The following UBE2R2 variants were observed in gnomAD, a reference collection of about 807,000 sequenced individuals.
UBE2R2 encodes the protein ubiquitin conjugating enzyme E2 R2.
A neutral mutation model predicts 27.8 loss-of-function variants in UBE2R2; 1 was observed. The ratio of observed to expected loss-of-function variants is 0.04; its 90% CI spans 0.01 to 0.17. The LOEUF is 0.17. Ranked by LOEUF, UBE2R2 falls within the 10% of genes least tolerant of loss-of-function variation. The pLI, the probability that UBE2R2 is intolerant of heterozygous loss-of-function variation, is 1.00. For missense variants in UBE2R2, 100 were observed against 291.0 expected, an observed-to-expected ratio of 0.34 and a Z score of 4.78; for synonymous variants, 106 against 113.3, an observed-to-expected ratio of 0.94 and a Z score of 0.41.
chr9:33,901,584 T>C (rs1489850010), intron 3 of UBE2R2, among the ~76,000 whole-genome samples: 1 of 152,182 alleles, frequency 6.6e-6, no homozygotes, highest in Non-Finnish European at 1.5e-5. Context: ...TGTTAAACAT[T>C]TTTACTGATA....
chr9:33,868,190 T>C (rs1821405345), intron 1 of UBE2R2, among the ~76,000 whole-genome samples: 1 of 152,146 alleles, frequency 6.6e-6, no homozygotes, highest in Non-Finnish European at 1.5e-5. Flanking sequence ...ATTTTTCCTA[T>C]GCTCAGCTGC....
intron 1 of UBE2R2, among the ~76,000 whole-genome samples, chr9:33,863,514 C>A (rs1247023757): frequency 6.6e-6 from 1 of 150,824 alleles, no homozygotes; most frequent in African/African-American, 2.4e-5. Flanking sequence ...GAGAGAAACT[C>A]CATCTCCAAA....
At chr9:33,815,806 C>A (rs150030446), upstream of UBE2R2, among the ~76,000 whole-genome samples, 41 of 152,214 alleles carry the variant, frequency 2.7e-4, 1 homozygote, top group African/African-American at 9.4e-4. Flanking sequence ...TTTTTTCTTT[C>A]AAGTTTCTAT....
chr9:33,872,918 T>A (rs1331106303), intron 1 of UBE2R2, among the ~76,000 whole-genome samples: 2 of 152,116 alleles, frequency 1.3e-5, no homozygotes, highest in Non-Finnish European at 2.9e-5. Flanking sequence ...CTCTCACCTG[T>A]AATCCCAGCA....
At position 33,917,322 on chromosome 9, in the gene UBE2R2, G is replaced by A. The variant is rs150855520; in HGVS notation, c.*85G>A. 43 of 1,569,696 alleles carry A rather than the reference G, an allele frequency of 2.7e-5. No homozygotes were observed. In the East Asian group the frequency reaches 8.3e-4, roughly 30 times the overall value. On this transcript the variant is annotated 3_prime_UTR_variant, in exon 5 of 5. Coordinates refer to ENST00000263228, the MANE Select transcript of UBE2R2 (RefSeq NM_017811.4). The stretch of plus-strand genomic sequence containing the variant: ...GTGGGGACCTGGCCATGGCCCCTCA[G>A]CAAAAACCTATTCACAGCGGGTGGG...
chr9:33,863,202 A>G (rs1397774914), intron 1 of UBE2R2, among the ~76,000 whole-genome samples: 8 of 151,252 alleles, frequency 5.3e-5, no homozygotes, highest in Non-Finnish European at 8.8e-5. Flanking sequence ...AAAAAAAAAA[A>G]AAGAAGAAGA....
rs535535339 is a variant in UBE2R2, at chr9:33,912,615, C to T, written c.497+517C>T. ...CTCCAGCCTGGGCGACAGTGCGAGACTCCATCTCAAAAAAAAAAAAAAATT... is the reference window on the plus strand; with the variant it reads ...CTCCAGCCTGGGCGACAGTGCGAGATTCCATCTCAAAAAAAAAAAAAAATT... On this transcript the variant is annotated intron_variant, in intron 4 of 4. Transcript: ENST00000263228. Among the ~76,000 whole-genome samples, 5 of 149,628 alleles carry T rather than the reference C, an allele frequency of 3.3e-5. No homozygotes were observed. The South Asian group carries it at 1.1e-3, about 32-fold the overall frequency.
intron 2 of UBE2R2, among the ~76,000 whole-genome samples, chr9:33,892,728 T>C (rs148426553): frequency 1.4e-3 from 214 of 152,322 alleles, no homozygotes; most frequent in African/African-American, 4.8e-3. Context: ...TTTTAAGATA[T>C]AGGGAAAAGG....
chr9:33,884,252 C>G (rs1390269469), intron 1 of UBE2R2, among the ~76,000 whole-genome samples: 1 of 137,402 alleles, frequency 7.3e-6, no homozygotes, highest in Non-Finnish European at 1.6e-5. Context: ...TCTCTTCCCC[C>G]TCCTACCCCC....
At chr9:33,871,554 T>A (rs958183038) in intron 1 of UBE2R2, among the ~76,000 whole-genome samples, 2 of 152,216 alleles carry the variant, frequency 1.3e-5, no homozygotes, top group African/African-American at 4.8e-5. Context: ...TTTATTTATT[T>A]TTAATTCTAT....
chr9:33,824,033 G>A (rs1339777415), intron 1 of UBE2R2, among the ~76,000 whole-genome samples: 1 of 152,140 alleles, frequency 6.6e-6, no homozygotes, highest in African/African-American at 2.4e-5. Context: ...CACAGTTAAG[G>A]TCTAAGGGTT....
At chr9:33,897,768 CTTTTTTCTTTT>C (rs1230404918) in intron 2 of UBE2R2, among the ~76,000 whole-genome samples, 1 of 137,402 alleles carries the variant, frequency 7.3e-6, no homozygotes, top group Non-Finnish European at 1.6e-5. Flanking sequence ...TTTCTCTTTT[CTTTTTTCTTTT>C]TTTTTTTTTT....
intron 3 of UBE2R2, among the ~76,000 whole-genome samples, chr9:33,902,090 T>C (rs1348592521): frequency 6.6e-6 from 1 of 151,672 alleles, no homozygotes; most frequent in Non-Finnish European, 1.5e-5. Context: ...AGATTTTGTA[T>C]TTTTTTTGTA....
chr9:33,887,671 T>C (rs1821892733), intron 2 of UBE2R2, among the ~76,000 whole-genome samples: 1 of 151,954 alleles, frequency 6.6e-6, no homozygotes, highest in African/African-American at 2.4e-5. Flanking sequence ...TGTTTGTTTG[T>C]TTGTTTGTTT....
At chr9:33,897,775 CTTTTTT>C (rs35277355) in intron 2 of UBE2R2, among the ~76,000 whole-genome samples, 4 of 127,978 alleles carry the variant, frequency 3.1e-5, no homozygotes, top group African/African-American at 1.2e-4. Flanking sequence ...TTTCTTTTTT[CTTTTTT>C]TTTTTTTTTT....
At chr9:33,869,331 A>C (rs1380630403) in intron 1 of UBE2R2, among the ~76,000 whole-genome samples, 1 of 152,166 alleles carries the variant, frequency 6.6e-6, no homozygotes, top group Non-Finnish European at 1.5e-5. Context: ...TTAGTAGGAT[A>C]ACAAAACTTA....
chr9:33,869,503 A>G (rs1378403569), intron 1 of UBE2R2, among the ~76,000 whole-genome samples: 2 of 151,356 alleles, frequency 1.3e-5, no homozygotes, highest in African/African-American at 4.9e-5. Context: ...CTGGAGTGTA[A>G]TGGTGCAGTC....
intron 3 of UBE2R2, among the ~76,000 whole-genome samples, chr9:33,902,713 G>A (rs10971777): frequency 0.14 from 20,720 of 152,166 alleles, 1,677 homozygotes; most frequent in South Asian, 0.33. Context: ...TTGAGAATAC[G>A]CTTTCTTTTT....
At position 33,828,919 on chromosome 9, in the gene UBE2R2, G is replaced by A. The variant is rs1433526666; in HGVS notation, c.177+10985G>A. Among the ~76,000 whole-genome samples the A allele has an allele frequency of 4.6e-5, 7 of 152,276 alleles. No individual in the cohort carries two copies. The South Asian group carries it at 8.3e-4, about 18-fold the overall frequency. On this transcript the variant is annotated intron_variant, in intron 1 of 4. Transcript: ENST00000263228. ...TGGATACTTTTTTGTATTTTCAGTA[G>A]AGATGGGGTTTCACCCTGTTGGCCA... is the stretch of plus-strand genomic sequence containing the variant.
Sources: gnomAD v4.1 joint callset for allele counts (sites outside exome capture counted in the v4.1 genomes callset) on GRCh38, gnomAD v4.1.1 for gene constraint, MANE v1.5 for transcripts, NCBI Gene and HGNC (gene_info 2026-07-23, HGNC 2026-07-21) for gene names.